The following AGBL1 variants were observed in gnomAD, a reference collection of about 807,000 sequenced individuals.
AGBL1 encodes the protein AGBL carboxypeptidase 1, also known as cytosolic carboxypeptidase 4.
Under a neutral mutation model 118.9 loss-of-function variants are expected in AGBL1, and 130 were observed. The observed-to-expected ratio is 1.09, with a 90% CI of 0.95 to 1.26. The LOEUF (loss-of-function observed/expected upper bound fraction) is 1.26, where lower values mean the gene tolerates loss of function less well. AGBL1 is among the 50% of genes most tolerant of loss of function. AGBL1 has a pLI of 0.00. For synonymous variants in AGBL1, 555 were observed against 478.9 expected (o/e 1.16, Z -2.08); for missense variants, 1,584 against 1,298.1 (o/e 1.22, Z -3.38).
chr15:86,181,540 G>T (rs1354170106), intron 5 of AGBL1, among the ~76,000 whole-genome samples: 1 of 151,790 alleles, frequency 6.6e-6, no homozygotes, highest in Non-Finnish European at 1.5e-5. Context: ...AGGAGGGAGG[G>T]ATTATAAAGA....
At position 86,479,242 on chromosome 15, in the gene AGBL1, T is replaced by G. The variant is rs190010938; in HGVS notation, c.2556-43568T>G. 2.0e-5 allele frequency among the ~76,000 whole-genome samples: 3 copies of G among 152,176 alleles called. No individual in the cohort carries two copies. In the East Asian group the frequency reaches 5.8e-4, roughly 29 times the overall value. ...CCAAAATTGACAAATGAGATCTAAT[T>G]AAACTAAAGAGCTTCTGCACAGCAG... On this transcript the variant is annotated intron_variant, in intron 18 of 22. Coordinates refer to ENST00000614907, the MANE Select transcript of AGBL1 (RefSeq NM_001386094.1).
chr15:86,753,259 C>T (rs889070649), intron 22 of AGBL1, among the ~76,000 whole-genome samples: 1 of 151,950 alleles, frequency 6.6e-6, no homozygotes, highest in East Asian at 1.9e-4. Context: ...GCTGTGTTAG[C>T]CAAGGACTCT....
intron 22 of AGBL1, among the ~76,000 whole-genome samples, chr15:86,826,652 G>C (rs77681399): frequency 6.6e-6 from 1 of 152,060 alleles, no homozygotes; most frequent in East Asian, 1.9e-4. Context: ...CCTAGGTGCT[G>C]TTAATGTTAC....
chr15:86,267,208 TC>T (rs2079088555), intron 13 of AGBL1, 132 bp downstream of exon 13: 3 of 720,514 alleles, frequency 4.2e-6, no homozygotes, highest in Non-Finnish European at 7.1e-6. Flanking sequence ...AATATTTATA[TC>T]ATAAAAATTG....
At chr15:86,163,871 C>A (rs138753001) in intron 5 of AGBL1, among the ~76,000 whole-genome samples, 2 of 152,236 alleles carry the variant, frequency 1.3e-5, no homozygotes, top group Non-Finnish European at 2.9e-5. Flanking sequence ...ATATTTGTTA[C>A]CTTTTTTCCC....
At chr15:86,775,032 C>T (rs191058028) in intron 22 of AGBL1, among the ~76,000 whole-genome samples, 2 of 152,240 alleles carry the variant, frequency 1.3e-5, no homozygotes, top group East Asian at 3.9e-4. Context: ...CACAGACAAC[C>T]CCTGCTCTAT....
intron 18 of AGBL1, among the ~76,000 whole-genome samples, chr15:86,448,671 C>T (rs1408499194): frequency 1.3e-5 from 2 of 149,812 alleles, no homozygotes; most frequent in Non-Finnish European, 2.9e-5. Flanking sequence ...TCTTTAGTCT[C>T]TGATTGAATG....
intron 21 of AGBL1, among the ~76,000 whole-genome samples, chr15:86,571,731 G>T (rs1490844175): frequency 1.3e-5 from 2 of 152,186 alleles, no homozygotes; most frequent in African/African-American, 4.8e-5. Flanking sequence ...GGAAGCGGGT[G>T]CTGATTGATC....
intron 22 of AGBL1, among the ~76,000 whole-genome samples, chr15:86,813,277 G>A (rs751085498): frequency 6.6e-6 from 1 of 152,024 alleles, no homozygotes; most frequent in Non-Finnish European, 1.5e-5. Context: ...CAATGCTATG[G>A]AGCTCCGCTG....
At chr15:87,017,444 T>C (rs2081618032) in intron 24 of AGBL1, among the ~76,000 whole-genome samples, 1 of 152,092 alleles carries the variant, frequency 6.6e-6, no homozygotes. Flanking sequence ...GGCTGCAATC[T>C]TTGCTGTTTT....
chr15:86,867,437 C>T (rs142529202), intron 22 of AGBL1, among the ~76,000 whole-genome samples: 43 of 152,136 alleles, frequency 2.8e-4, no homozygotes, highest in African/African-American at 7.5e-4. Flanking sequence ...CTGCTTGCCC[C>T]GAGGATGAGG....
chr15:86,973,874 A>G (rs1383235072), intron 23 of AGBL1, among the ~76,000 whole-genome samples: 3 of 145,336 alleles, frequency 2.1e-5, no homozygotes, highest in Non-Finnish European at 4.5e-5. Flanking sequence ...AATGTTTGCA[A>G]TGTGCCATGA....
chr15:86,392,131 A>G (rs1386108511), intron 17 of AGBL1, among the ~76,000 whole-genome samples: 1 of 152,130 alleles, frequency 6.6e-6, no homozygotes, highest in African/African-American at 2.4e-5. Flanking sequence ...AGCTGTCTGT[A>G]TGTATAGATA....
At chr15:86,857,714 A>T (rs902461958) in intron 22 of AGBL1, among the ~76,000 whole-genome samples, 1 of 152,142 alleles carries the variant, frequency 6.6e-6, no homozygotes, top group Non-Finnish European at 1.5e-5. Context: ...AGGCTCTGAG[A>T]TGCAGGAGGG....
At chr15:86,389,030 A>C (rs1245241127) in intron 17 of AGBL1, among the ~76,000 whole-genome samples, 4 of 152,204 alleles carry the variant, frequency 2.6e-5, no homozygotes, top group Admixed American at 2.6e-4. Context: ...GTATTGAGAA[A>C]ATTTTGAGAA....
intron 15 of AGBL1, among the ~76,000 whole-genome samples, chr15:86,273,190 G>C (rs1359921517): frequency 6.6e-6 from 1 of 152,176 alleles, no homozygotes; most frequent in African/African-American, 2.4e-5. Context: ...GAGTAAGAAG[G>C]CTAAGGGGAC....
intron 24 of AGBL1, among the ~76,000 whole-genome samples, chr15:86,990,165 G>A (rs565640561): frequency 1.3e-5 from 2 of 152,150 alleles, no homozygotes; most frequent in African/African-American, 4.8e-5. Context: ...GCAAACTAAT[G>A]GTTAGAGGGC....
chr15:86,951,506 C>A (rs1180687577), intron 23 of AGBL1, among the ~76,000 whole-genome samples: 1 of 152,098 alleles, frequency 6.6e-6, no homozygotes, highest in Non-Finnish European at 1.5e-5. Flanking sequence ...CAAAGTGCAG[C>A]TGTACATGAC....
intron 22 of AGBL1, among the ~76,000 whole-genome samples, chr15:86,886,771 A>G (rs1289612749): frequency 6.6e-6 from 1 of 152,144 alleles, no homozygotes; most frequent in Admixed American, 6.5e-5. Context: ...GTCAGCTTGG[A>G]CCCAGTCGGA....
Sources: allele counts gnomAD v4.1 joint callset (sites outside exome capture counted in the v4.1 genomes callset), GRCh38; gene constraint gnomAD v4.1.1; transcripts MANE v1.5; gene names NCBI Gene and HGNC (gene_info 2026-07-23, HGNC 2026-07-21).